Variants in NPAS3 observed in about 807,000 individuals in gnomAD.
The protein encoded by NPAS3 is neuronal PAS domain-containing protein 3.
NPAS3 carries 14 observed loss-of-function variants against 73.1 expected under a neutral mutation model. That is an observed-to-expected ratio of 0.19 (90% confidence interval 0.13 to 0.30). The LOEUF is 0.30. NPAS3 is among the 10% of genes least tolerant of loss of function. NPAS3 has a pLI of 1.00. For missense variants in NPAS3, 1,096 were observed against 1,250.0 expected (o/e 0.88, Z 1.86); for synonymous variants, 620 against 541.5 (o/e 1.14, Z -2.01).
intron 2 of NPAS3, among the ~76,000 whole-genome samples, chr14:33,169,238 A>T (rs1401556087): frequency 6.6e-6 from 1 of 152,082 alleles, no homozygotes; most frequent in African/African-American, 2.4e-5. Flanking sequence ...TAATACTTAA[A>T]TTTTTTTCTT....
chr14:33,634,916 T>C (rs901907951), intron 5 of NPAS3, among the ~76,000 whole-genome samples: 2 of 152,266 alleles, frequency 1.3e-5, no homozygotes, highest in Admixed American at 1.3e-4. Flanking sequence ...TGAATGCAAA[T>C]TCTGAGCCCC....
chr14:33,738,614 T>C (rs1221659857), intron 7 of NPAS3, among the ~76,000 whole-genome samples: 3 of 152,164 alleles, frequency 2.0e-5, no homozygotes, highest in Non-Finnish European at 4.4e-5. Context: ...TTGCAGTGTC[T>C]GCCACACCCC....
At chr14:33,301,166 C>G (rs916224728) in intron 3 of NPAS3, among the ~76,000 whole-genome samples, 1 of 151,526 alleles carries the variant, frequency 6.6e-6, no homozygotes, top group Admixed American at 6.6e-5. Context: ...CAACATCCAC[C>G]TGTGGGAATA....
intron 2 of NPAS3, among the ~76,000 whole-genome samples, chr14:33,165,602 AT>A: frequency 6.6e-6 from 1 of 152,288 alleles, no homozygotes; most frequent in Admixed American, 6.5e-5. Context: ...TTGGCTGATA[AT>A]TTATTGTTGA....
chr14:33,669,062 A>G (rs1291337261), intron 5 of NPAS3, among the ~76,000 whole-genome samples: 1 of 152,224 alleles, frequency 6.6e-6, no homozygotes, highest in Admixed American at 6.5e-5. Flanking sequence ...TGGATTAACT[A>G]TGCCAATATC....
intron 6 of NPAS3, among the ~76,000 whole-genome samples, chr14:33,709,668 C>A (rs551931646): frequency 1.3e-5 from 2 of 152,162 alleles, no homozygotes; most frequent in Non-Finnish European, 2.9e-5. Context: ...CACATATCAC[C>A]ATTTTATAGA....
intron 2 of NPAS3, among the ~76,000 whole-genome samples, chr14:33,096,226 A>G (rs770642286): frequency 3.9e-5 from 6 of 152,042 alleles, no homozygotes; most frequent in Admixed American, 3.3e-4. Context: ...CTTCTCAACC[A>G]GTTCTTCTCT....
At chr14:32,935,161 T>A (rs2138991064), upstream of NPAS3, among the ~76,000 whole-genome samples, 1 of 152,278 alleles carries the variant, frequency 6.6e-6, no homozygotes, top group South Asian at 2.1e-4. Flanking sequence ...AAAACACACT[T>A]CACTTTGGTG....
At chr14:32,940,060 C>T (rs1007796113) in intron 1 of NPAS3, among the ~76,000 whole-genome samples, 1 of 152,222 alleles carries the variant, frequency 6.6e-6, no homozygotes, top group Non-Finnish European at 1.5e-5. Flanking sequence ...CCATACCCCT[C>T]CCAAAGGAAA....
At chr14:32,978,632 G>T (rs2037783249) in intron 1 of NPAS3, among the ~76,000 whole-genome samples, 1 of 152,086 alleles carries the variant, frequency 6.6e-6, no homozygotes, top group Non-Finnish European at 1.5e-5. Flanking sequence ...AGGTGTCTAG[G>T]TTCCATTCTC....
At chr14:32,940,862 A>G (rs1428031774) in intron 1 of NPAS3, among the ~76,000 whole-genome samples, 1 of 152,252 alleles carries the variant, frequency 6.6e-6, no homozygotes, top group Non-Finnish European at 1.5e-5. Flanking sequence ...TTTGTTAAGT[A>G]GATACATAAT....
intron 3 of NPAS3, among the ~76,000 whole-genome samples, chr14:33,338,428 AG>A (rs1213058833): frequency 6.6e-6 from 1 of 152,110 alleles, no homozygotes; most frequent in Non-Finnish European, 1.5e-5. Context: ...TAACTCTTTT[AG>A]GTGTGTTTTG....
intron 3 of NPAS3, among the ~76,000 whole-genome samples, chr14:33,356,396 C>T (rs967974742): frequency 6.6e-6 from 1 of 152,164 alleles, no homozygotes; most frequent in Admixed American, 6.5e-5. Flanking sequence ...TTTTCCTTTC[C>T]TCCCTCTGTC....
chr14:32,945,190 G>T (rs958615932), intron 1 of NPAS3, among the ~76,000 whole-genome samples: 2 of 152,174 alleles, frequency 1.3e-5, no homozygotes, highest in African/African-American at 4.8e-5. Flanking sequence ...TTAGTGTTCT[G>T]TGAGGATAGT....
At chr14:33,500,019 A>G (rs1367538257) in intron 4 of NPAS3, among the ~76,000 whole-genome samples, 10 of 151,856 alleles carry the variant, frequency 6.6e-5, no homozygotes, top group African/African-American at 2.4e-5. Context: ...CGTTCTCCCC[A>G]TTGTTACTGC....
intron 2 of NPAS3, among the ~76,000 whole-genome samples, chr14:33,069,743 C>G (rs2041417363): frequency 6.6e-6 from 1 of 152,132 alleles, no homozygotes; most frequent in South Asian, 2.1e-4. Flanking sequence ...ACTACTAACT[C>G]AAAAAAGTTA....
At chr14:33,441,568 A>C (rs919688332) in intron 4 of NPAS3, among the ~76,000 whole-genome samples, 2 of 152,182 alleles carry the variant, frequency 1.3e-5, no homozygotes, top group Non-Finnish European at 2.9e-5. Flanking sequence ...TTATTGTACT[A>C]TTCGCATTTT....
intron 3 of NPAS3, among the ~76,000 whole-genome samples, chr14:33,310,817 ACACAC>A (rs1263311801): frequency 1.3e-5 from 2 of 151,870 alleles, no homozygotes; most frequent in Non-Finnish European, 2.9e-5. Flanking sequence ...ACACACACAC[ACACAC>A]ACACACACAC....
At position 33,170,162 on chromosome 14, in the gene NPAS3, C is replaced by T. The variant is rs539072557; in HGVS notation, c.141-45020C>T. Among the ~76,000 whole-genome samples, 3 of 152,244 alleles carry T rather than the reference C, an allele frequency of 2.0e-5. No individual in the cohort carries two copies. In the East Asian group the frequency reaches 5.8e-4, roughly 29 times the overall value. On this transcript the variant is annotated intron_variant, in intron 2 of 11. Transcript: ENST00000356141. ...CTTAGAGATAATGCAGGTTCAGTTCCAGACTACTACAATAAAACGAATATC... is the reference window on the plus strand; with the variant it reads ...CTTAGAGATAATGCAGGTTCAGTTCTAGACTACTACAATAAAACGAATATC...
Sources: gnomAD v4.1 joint callset for allele counts (sites outside exome capture counted in the v4.1 genomes callset) on GRCh38, gnomAD v4.1.1 for gene constraint, MANE v1.5 for transcripts, NCBI Gene and HGNC (gene_info 2026-07-23, HGNC 2026-07-21) for gene names.